The following NFAT5 variants were observed in gnomAD, a reference collection of about 807,000 sequenced individuals.
NFAT5 encodes nuclear factor of activated T cells 5, also known as nuclear factor of activated T-cells 5.
NFAT5 carries 31 observed loss-of-function variants against 166.5 expected under a neutral mutation model. The ratio of observed to expected loss-of-function variants is 0.19; its 90% CI spans 0.14 to 0.25. The LOEUF (loss-of-function observed/expected upper bound fraction) is 0.25, where lower values mean the gene tolerates loss of function less well. Among genes scored for constraint, NFAT5 ranks in the 10% least tolerant of loss-of-function variants. NFAT5 has a pLI of 1.00. For synonymous variants in NFAT5, 612 were observed against 639.7 expected (o/e 0.96, Z 0.65); for missense variants, 1,449 against 1,821.8 (o/e 0.80, Z 3.72).
chr16:69,572,013 C>T (rs1448280529), intron 2 of NFAT5, among the ~76,000 whole-genome samples: 2 of 152,118 alleles, frequency 1.3e-5, no homozygotes, highest in Non-Finnish European at 2.9e-5. Context: ...CCGCCTGCGT[C>T]AGCCTCCCAA....
At chr16:69,572,146 C>T (rs995900164) in intron 2 of NFAT5, among the ~76,000 whole-genome samples, 4 of 152,148 alleles carry the variant, frequency 2.6e-5, no homozygotes, top group African/African-American at 4.8e-5. Flanking sequence ...CCTATCAAAA[C>T]AGTGCTAGTC....
At chr16:69,630,102 A>C (rs989263535) in intron 3 of NFAT5, among the ~76,000 whole-genome samples, 1 of 151,782 alleles carries the variant, frequency 6.6e-6, no homozygotes, top group Non-Finnish European at 1.5e-5. Context: ...ATGCCCAGCA[A>C]ATTTTTGTAT....
intron 2 of NFAT5, among the ~76,000 whole-genome samples, chr16:69,611,076 T>C (rs78243262): frequency 0.044 from 6,646 of 152,294 alleles, 188 homozygotes; most frequent in Non-Finnish European, 0.06. Context: ...TCTTGTGAAT[T>C]TAATATTAGA....
chr16:69,584,447 G>A (rs1181132644), intron 2 of NFAT5, among the ~76,000 whole-genome samples: 7 of 151,694 alleles, frequency 4.6e-5, no homozygotes, highest in Non-Finnish European at 1.0e-4. Flanking sequence ...TCATGCCTCA[G>A]CCTCCTGAGC....
intron 3 of NFAT5, among the ~76,000 whole-genome samples, chr16:69,634,142 G>A (rs2034845273): frequency 6.6e-6 from 1 of 151,734 alleles, no homozygotes; most frequent in South Asian, 2.1e-4. Context: ...GCTGGGTGTG[G>A]CGGCGGGTGC....
chr16:69,695,472 A>C, intron 14 of NFAT5, 93 bp downstream of exon 14: 1 of 842,102 alleles, frequency 1.2e-6, no homozygotes, highest in African/African-American at 1.7e-5. Flanking sequence ...TAATCTTTTA[A>C]AATGTGGCTT....
At chr16:69,568,401 C>T (rs772703334) in intron 1 of NFAT5, 94 bp from the exon 2 acceptor site, 11 of 555,202 alleles carry the variant, frequency 2.0e-5, no homozygotes, top group Non-Finnish European at 2.5e-5. Context: ...TATACACACA[C>T]ACACATTGCA....
At chr16:69,641,313 C>T (rs373315527) in intron 3 of NFAT5, among the ~76,000 whole-genome samples, 1 of 148,652 alleles carries the variant, frequency 6.7e-6, no homozygotes, top group East Asian at 2.0e-4. Context: ...AAATTGTTTC[C>T]AAATATCTTT....
chr16:69,625,528 A>G (rs1431546914), intron 2 of NFAT5, among the ~76,000 whole-genome samples: 1 of 146,192 alleles, frequency 6.8e-6, no homozygotes, highest in Non-Finnish European at 1.5e-5. Flanking sequence ...GAGCCATAAC[A>G]TTCCTTTTTT....
intron 2 of NFAT5, among the ~76,000 whole-genome samples, chr16:69,601,130 T>G (rs565987719): frequency 2.6e-5 from 4 of 151,478 alleles, no homozygotes; most frequent in Non-Finnish European, 1.5e-5. Flanking sequence ...CACTTAAACA[T>G]TTTTTTTTAA....
intron 3 of NFAT5, among the ~76,000 whole-genome samples, chr16:69,638,773 A>C (rs72801350): frequency 0.059 from 8,879 of 151,666 alleles, 284 homozygotes; most frequent in Middle Eastern, 0.11. Flanking sequence ...ATTGAAGTAG[A>C]ATTGGCAGGA....
At chr16:69,599,020 C>CAA (rs1216510761) in intron 2 of NFAT5, among the ~76,000 whole-genome samples, 8 of 52,556 alleles carry the variant, frequency 1.5e-4, no homozygotes, top group African/African-American at 2.1e-4. Flanking sequence ...GACTCTGTCT[C>CAA]AAAAAAAAAA....
chr16:69,688,202 C>CAAAAAAAAAAAAAAAAAA (rs1188158260), intron 11 of NFAT5, among the ~76,000 whole-genome samples: 10 of 49,498 alleles, frequency 2.0e-4, no homozygotes, highest in Non-Finnish European at 2.1e-4. Flanking sequence ...GACTCCGTCT[C>CAAAAAAAAAAAAAAAAAA]AAAAAAAAAA....
intron 7 of NFAT5, among the ~76,000 whole-genome samples, chr16:69,664,671 CTAATTTTTAAGCATTATTCCTTTCAAG>C (rs1175418729): frequency 6.6e-6 from 1 of 152,098 alleles, no homozygotes; most frequent in Non-Finnish European, 1.5e-5. Flanking sequence ...TTTGTGTGTT[CTAATTTTTAAGCATTATTCCTTTCAAG>C]TAATTTTTAA....
intron 14 of NFAT5, 73 bp downstream of exon 14, chr16:69,695,452 ATAG>A (rs2037731095): frequency 4.9e-6 from 5 of 1,013,634 alleles, no homozygotes; most frequent in South Asian, 2.9e-5. Context: ...AGGTTAAGTA[ATAG>A]TAGTTCTAAT....
chr16:69,681,775 A>G (rs981572923), intron 10 of NFAT5, among the ~76,000 whole-genome samples: 4 of 152,000 alleles, frequency 2.6e-5, no homozygotes, highest in Admixed American at 2.6e-4. Context: ...AAAATTAGCC[A>G]GGTGTGGTGG....
At chr16:69,670,192 A>C (rs1166454112) in intron 8 of NFAT5, 44 bp from the exon 9 acceptor site, 1 of 1,565,366 alleles carries the variant, frequency 6.4e-7, no homozygotes, top group African/African-American at 1.5e-5. Context: ...CAGAGTAAAA[A>C]AAATAGTTCA....
chr16:69,591,031 A>G (rs1254067059), intron 2 of NFAT5, among the ~76,000 whole-genome samples: 1 of 152,148 alleles, frequency 6.6e-6, no homozygotes, highest in African/African-American at 2.4e-5. Context: ...TCCTGGGTTC[A>G]AGCAATTCTC....
Position 69,702,378 on chromosome 16 carries a change from C to A in NFAT5, c.*6027C>A, listed in dbSNP as rs1177723802. ...GGGAAATAATTATGCTTTAGCACAT[C>A]ATTTTAGAAACGTCACATTTTAGAA... On this transcript the variant is annotated 3_prime_UTR_variant, in exon 15 of 15. Transcript: ENST00000349945. 1 of 152,372 alleles carries A rather than the reference C, an allele frequency of 6.6e-6. No individual in the cohort carries two copies. Among genetic ancestry groups the A allele is most frequent in the Non-Finnish European group, 1.5e-5 (1 of 68,024 alleles). The allele number at this position is 152,372 out of a possible 1,614,324, so 9.4% of individuals were successfully genotyped here. A position where few individuals can be genotyped will look rare whatever the true frequency, so the allele number is the denominator to read the frequency against.
Sources: gnomAD v4.1 joint callset for allele counts (sites outside exome capture counted in the v4.1 genomes callset) on GRCh38, gnomAD v4.1.1 for gene constraint, MANE v1.5 for transcripts, NCBI Gene and HGNC (gene_info 2026-07-23, HGNC 2026-07-21) for gene names.